Variants in NFASC observed in about 807,000 individuals in gnomAD.
The protein encoded by NFASC is neurofascin.
NFASC carries 43 observed loss-of-function variants against 147.5 expected under a neutral mutation model. The ratio of observed to expected loss-of-function variants is 0.29; its 90% CI spans 0.23 to 0.38. The LOEUF (loss-of-function observed/expected upper bound fraction) is 0.38, where lower values mean the gene tolerates loss of function less well. Among genes scored for constraint, NFASC ranks in the 10% least tolerant of loss-of-function variants. The pLI is 1.00. For missense variants in NFASC, 1,320 were observed against 1,689.0 expected (o/e 0.78, Z 3.83); for synonymous variants, 622 against 665.5 (o/e 0.93, Z 1.01).
At chr1:204,864,559 CT>C (rs1256063279) in intron 1 of NFASC, among the ~76,000 whole-genome samples, 1 of 152,202 alleles carries the variant, frequency 6.6e-6, no homozygotes, top group Non-Finnish European at 1.5e-5. Flanking sequence ...TATAGCCATC[CT>C]CTACACATCC....
At chr1:205,012,511 G>A (rs1332635632) in intron 28 of NFASC, among the ~76,000 whole-genome samples, 2 of 152,214 alleles carry the variant, frequency 1.3e-5, no homozygotes, top group African/African-American at 2.4e-5. Flanking sequence ...GTCTTTTGGG[G>A]AGACTTCATG....
At chr1:204,933,361 T>A (rs1405612961) in intron 2 of NFASC, among the ~76,000 whole-genome samples, 3 of 152,090 alleles carry the variant, frequency 2.0e-5, no homozygotes, top group African/African-American at 7.2e-5. Context: ...TGCCTGGGTA[T>A]GGGCTATGAA....
intron 1 of NFASC, among the ~76,000 whole-genome samples, chr1:204,870,398 A>G (rs535999282): frequency 6.6e-6 from 1 of 152,258 alleles, no homozygotes; most frequent in South Asian, 2.1e-4. Flanking sequence ...TGGGTATTAC[A>G]TAAAGGTTAC....
At chr1:204,871,844 G>A (rs1016856966) in intron 1 of NFASC, among the ~76,000 whole-genome samples, 1 of 152,304 alleles carries the variant, frequency 6.6e-6, no homozygotes, top group South Asian at 2.1e-4. Flanking sequence ...CTTTGGAGGT[G>A]GCTTTGGTCC....
chr1:204,896,451 G>A (rs2083405688), intron 1 of NFASC, among the ~76,000 whole-genome samples: 1 of 152,186 alleles, frequency 6.6e-6, no homozygotes, highest in African/African-American at 2.4e-5. Flanking sequence ...TTTGGTCTCT[G>A]TTATTTGTGT....
intron 1 of NFASC, among the ~76,000 whole-genome samples, chr1:204,905,736 G>A (rs532267622): frequency 1.3e-5 from 2 of 152,236 alleles, no homozygotes; most frequent in South Asian, 2.1e-4. Context: ...TGGTGAATAG[G>A]ACTGTGAGGA....
At chr1:204,967,987 T>G (rs917669664) in intron 8 of NFASC, 8 of 373,846 alleles carry the variant, frequency 2.1e-5, no homozygotes, top group African/African-American at 6.2e-5. Flanking sequence ...GAAGGGGAGA[T>G]TCCCTGAACC....
chr1:204,879,953 AGCTGGTGGT>A (rs1204642121), intron 1 of NFASC, among the ~76,000 whole-genome samples: 4 of 152,204 alleles, frequency 2.6e-5, no homozygotes, highest in Non-Finnish European at 4.4e-5. Context: ...CTGTGGGCAC[AGCTGGTGGT>A]GCTGGCCCTC....
chr1:204,926,040 A>G (rs1161541831), intron 2 of NFASC, among the ~76,000 whole-genome samples: 3 of 151,922 alleles, frequency 2.0e-5, no homozygotes, highest in Non-Finnish European at 4.4e-5. Flanking sequence ...CTGTGGAGAT[A>G]GAGACCAGAC....
intron 1 of NFASC, among the ~76,000 whole-genome samples, chr1:204,897,876 C>CAGT (rs1269868927): frequency 1.3e-5 from 2 of 152,210 alleles, no homozygotes; most frequent in African/African-American, 2.4e-5. Flanking sequence ...GCTGGGATTA[C>CAGT]AGGTGCGTGC....
intron 7 of NFASC, among the ~76,000 whole-genome samples, chr1:204,956,019 A>G (rs1158451419): frequency 6.6e-6 from 1 of 152,134 alleles, no homozygotes; most frequent in African/African-American, 2.4e-5. Flanking sequence ...TGCTGGCCTC[A>G]CTTGTTAATT....
intron 1 of NFASC, among the ~76,000 whole-genome samples, chr1:204,883,781 G>A (rs1209546920): frequency 6.6e-6 from 1 of 151,710 alleles, no homozygotes; most frequent in Non-Finnish European, 1.5e-5. Context: ...TCCATAGTCT[G>A]GCCATAGAAC....
chr1:204,829,540 A>G (rs919051295), intron 1 of NFASC, among the ~76,000 whole-genome samples: 3 of 151,882 alleles, frequency 2.0e-5, no homozygotes, highest in Non-Finnish European at 2.9e-5. Flanking sequence ...CCCTTTCTGC[A>G]TGTTCGATCC....
chr1:204,978,204 A>T (rs937668828), intron 17 of NFASC, among the ~76,000 whole-genome samples: 2 of 152,178 alleles, frequency 1.3e-5, no homozygotes, highest in African/African-American at 4.8e-5. Context: ...CATCTGAAAG[A>T]TGGAAATACC....
At chr1:204,880,788 T>C (rs1173087181) in intron 1 of NFASC, among the ~76,000 whole-genome samples, 1 of 152,128 alleles carries the variant, frequency 6.6e-6, no homozygotes, top group Non-Finnish European at 1.5e-5. Flanking sequence ...TTCCCAGGTG[T>C]TTCAAAAGCA....
At chr1:204,944,145 G>A (rs1449357663) in intron 2 of NFASC, 81 bp from the exon 3 acceptor site, 38 of 1,296,068 alleles carry the variant, frequency 2.9e-5, no homozygotes, top group Non-Finnish European at 3.6e-5. Context: ...GGGCTCTTCG[G>A]TCCTCCAAAG....
chr1:204,990,585 A>G (rs1345129631), intron 23 of NFASC: 1 of 151,546 alleles, frequency 6.6e-6, no homozygotes, highest in Non-Finnish European at 1.5e-5. Flanking sequence ...AAAAAGAAAA[A>G]GAAAGAAAAA....
chr1:204,991,452 C>G (rs1018100594), intron 24 of NFASC, 146 bp downstream of exon 24: 2 of 861,612 alleles, frequency 2.3e-6, no homozygotes, highest in Admixed American at 2.1e-5. Context: ...GCCAGACTGT[C>G]AAGAGGGATG....
rs370851630 is a variant in NFASC, at chr1:204,993,132, G to C, written c.2782+1826G>C. 7.9e-5 allele frequency among the ~76,000 whole-genome samples: 12 copies of C among 152,296 alleles called. No homozygotes were observed. In the South Asian group the frequency reaches 2.1e-3, roughly 26 times the overall value. On this transcript the variant is annotated intron_variant, in intron 24 of 29. Coordinates refer to ENST00000339876, the MANE Select transcript of NFASC (RefSeq NM_001005388.3). The stretch of plus-strand genomic sequence containing the variant: ...GTTTCTGACGTGGGCCTGGCGTCCG[G>C]CCCACTGCTGTCTTCCCTCTCGTCC...
Sources: allele counts gnomAD v4.1 joint callset (sites outside exome capture counted in the v4.1 genomes callset), GRCh38; gene constraint gnomAD v4.1.1; transcripts MANE v1.5; gene names NCBI Gene and HGNC (gene_info 2026-07-23, HGNC 2026-07-21).